The following TSPAN12 variants were observed in gnomAD, a reference collection of about 807,000 sequenced individuals.
TSPAN12 encodes tetraspanin-12.
Under a neutral mutation model 39.2 loss-of-function variants are expected in TSPAN12, and 19 were observed. The observed-to-expected ratio is 0.49, with a 90% CI of 0.34 to 0.71. TSPAN12 has a LOEUF of 0.71. Ranked by LOEUF, TSPAN12 falls within the 30% of genes least tolerant of loss-of-function variation. The probability of loss-of-function intolerance (pLI) is 0.01; values close to 1 mark genes in which losing one functional copy is unlikely to be tolerated. For missense variants in TSPAN12, 314 were observed against 359.9 expected (o/e 0.87, Z 1.03); for synonymous variants, 119 against 124.8 (o/e 0.95, Z 0.31).
intron 6 of TSPAN12, among the ~76,000 whole-genome samples, chr7:120,807,780 C>T (rs1160089566): frequency 6.6e-6 from 1 of 150,954 alleles, no homozygotes; most frequent in Non-Finnish European, 1.5e-5. Flanking sequence ...GATTTTTAAA[C>T]AGAAAAAAAA....
chr7:120,799,747 ATAATT>A lies in TSPAN12; in HGVS notation c.612+6797_612+6801del, dbSNP rs1384832762. 2.3e-5 allele frequency among the ~76,000 whole-genome samples: 3 copies of A among 132,660 alleles called. No individual in the cohort carries two copies. In the East Asian group the frequency reaches 6.1e-4, roughly 27 times the overall value. 87.0% of individuals were successfully genotyped at this position (132,660 alleles called of 152,430 possible). A position where few individuals can be genotyped will look rare whatever the true frequency, so the allele number is the denominator to read the frequency against. ...TATTATATTTCATTTATTTATATAT[ATAATT>A]TAATTTATACATATAATTTAATTAA... On this transcript the variant is annotated intron_variant, in intron 7 of 7. Transcript: ENST00000222747.
chr7:120,848,377 A>T (rs1562953820), intron 2 of TSPAN12, among the ~76,000 whole-genome samples: 1 of 152,192 alleles, frequency 6.6e-6, no homozygotes, highest in Non-Finnish European at 1.5e-5. Context: ...GTGGTGCCTA[A>T]TATAGGTTAG....
intron 7 of TSPAN12, among the ~76,000 whole-genome samples, chr7:120,792,597 T>A (rs974570858): frequency 2.0e-5 from 3 of 152,192 alleles, no homozygotes; most frequent in African/African-American, 7.2e-5. Flanking sequence ...GCACCCTTGG[T>A]AAAGGCCGGG....
At chr7:120,814,555 A>C (rs1228683127) in intron 5 of TSPAN12, among the ~76,000 whole-genome samples, 1 of 152,236 alleles carries the variant, frequency 6.6e-6, no homozygotes, top group Non-Finnish European at 1.5e-5. Flanking sequence ...CCATGAAAAC[A>C]ACCAGCATTC....
intron 2 of TSPAN12, among the ~76,000 whole-genome samples, chr7:120,854,347 C>G (rs1000483012): frequency 6.6e-6 from 1 of 152,146 alleles, no homozygotes; most frequent in Non-Finnish European, 1.5e-5. Context: ...ATGATAGTAG[C>G]AATCCACCTC....
chr7:120,841,487 G>C (rs1387432617), intron 2 of TSPAN12, among the ~76,000 whole-genome samples: 1 of 152,122 alleles, frequency 6.6e-6, no homozygotes, highest in Non-Finnish European at 1.5e-5. Context: ...ACATGACCCA[G>C]TGCAATACAT....
At chr7:120,798,061 A>G (rs1668402385) in intron 7 of TSPAN12, among the ~76,000 whole-genome samples, 1 of 152,230 alleles carries the variant, frequency 6.6e-6, no homozygotes, top group African/African-American at 2.4e-5. Flanking sequence ...GCAAGTCTCT[A>G]CTAATAGAGT....
At chr7:120,794,436 G>T (rs1793591989) in intron 7 of TSPAN12, among the ~76,000 whole-genome samples, 1 of 152,116 alleles carries the variant, frequency 6.6e-6, no homozygotes, top group African/African-American at 2.4e-5. Flanking sequence ...TGATAACGGA[G>T]TTCTCCCAAG....
At chr7:120,817,779 A>T (rs1241817447) in intron 4 of TSPAN12, among the ~76,000 whole-genome samples, 2 of 152,130 alleles carry the variant, frequency 1.3e-5, no homozygotes, top group African/African-American at 4.8e-5. Flanking sequence ...GCAATTATGA[A>T]TATTCCATTC....
intron 2 of TSPAN12, among the ~76,000 whole-genome samples, chr7:120,841,918 A>T (rs1021019034): frequency 6.6e-6 from 1 of 152,214 alleles, no homozygotes; most frequent in African/African-American, 2.4e-5. Context: ...CTTCCTGGGA[A>T]GCTTTCCTAA....
intron 2 of TSPAN12, among the ~76,000 whole-genome samples, chr7:120,851,927 C>T (rs1041473764): frequency 1.3e-4 from 20 of 152,244 alleles, no homozygotes; most frequent in African/African-American, 4.8e-4. Flanking sequence ...AAAAGACACT[C>T]TACAGATGGC....
intron 2 of TSPAN12, among the ~76,000 whole-genome samples, chr7:120,854,068 G>T (rs191984316): frequency 6.6e-6 from 1 of 152,194 alleles, no homozygotes; most frequent in Admixed American, 6.5e-5. Context: ...ATAAAATGAT[G>T]CTCCTGCTCA....
At chr7:120,805,425 C>T (rs1793852711) in intron 7 of TSPAN12, among the ~76,000 whole-genome samples, 1 of 152,084 alleles carries the variant, frequency 6.6e-6, no homozygotes, top group African/African-American at 2.4e-5. Flanking sequence ...CCTAAGATAA[C>T]CACCTTGAAA....
At chr7:120,795,081 A>G (rs1349920354) in intron 7 of TSPAN12, among the ~76,000 whole-genome samples, 1 of 152,254 alleles carries the variant, frequency 6.6e-6, no homozygotes, top group Non-Finnish European at 1.5e-5. Context: ...ATTTCTGTAG[A>G]GTAAAAAGAG....
rs71170213 is a variant in TSPAN12 at position 120,800,754 on chromosome 7, G to GTT, written c.612+5793_612+5794dup. On this transcript the variant is annotated intron_variant, in intron 7 of 7. Transcript: ENST00000222747. ...AAAGTTTTCCTTATCGTTTTTTTTTGTTTTTTTTTTTTGAGACAGAGTCTC... is the reference window on the plus strand; with the variant it reads ...AAAGTTTTCCTTATCGTTTTTTTTTGTTTTTTTTTTTTTTGAGACAGAGTCTC... Among the ~76,000 whole-genome samples, 14 of 127,616 alleles carry GTT rather than the reference G, an allele frequency of 1.1e-4. 3 individuals are homozygous for GTT. The highest frequency in any genetic ancestry group is 7.8e-4 in the South Asian group (3 of 3,848). The allele number at this position is 127,616 out of a possible 152,430, so 83.7% of individuals were successfully genotyped here. A position where few individuals can be genotyped will look rare whatever the true frequency, so the allele number is the denominator to read the frequency against.
At chr7:120,851,289 A>C (rs1043381003) in intron 2 of TSPAN12, among the ~76,000 whole-genome samples, 1 of 152,186 alleles carries the variant, frequency 6.6e-6, no homozygotes. Context: ...CTGTCATTTC[A>C]TCTGCCACGC....
At chr7:120,817,497 T>C (rs527695316) in intron 4 of TSPAN12, among the ~76,000 whole-genome samples, 16 of 152,288 alleles carry the variant, frequency 1.1e-4, no homozygotes, top group African/African-American at 3.9e-4. Context: ...GTTTATCAAG[T>C]ACTTTCACAA....
chr7:120,846,101 AAGAG>A (rs987719849), intron 2 of TSPAN12, among the ~76,000 whole-genome samples: 1 of 152,158 alleles, frequency 6.6e-6, no homozygotes, highest in Admixed American at 6.5e-5. Context: ...GAGGAGGAGT[AAGAG>A]AGAGAAGGGG....
intron 6 of TSPAN12, among the ~76,000 whole-genome samples, chr7:120,807,448 A>G (rs971378789): frequency 6.6e-6 from 1 of 152,148 alleles, no homozygotes; most frequent in African/African-American, 2.4e-5. Context: ...GGACCTCTAT[A>G]GATTAGATTC....
Sources: gnomAD v4.1 joint callset for allele counts (sites outside exome capture counted in the v4.1 genomes callset) on GRCh38, gnomAD v4.1.1 for gene constraint, MANE v1.5 for transcripts, NCBI Gene and HGNC (gene_info 2026-07-23, HGNC 2026-07-21) for gene names.